Variants in MOCOS observed in about 807,000 individuals in gnomAD.
The protein encoded by MOCOS is molybdenum cofactor sulfurase, also known as human molybdenum cofactor sulfurase.
MOCOS carries 86 observed loss-of-function variants against 83.6 expected under a neutral mutation model. The ratio of observed to expected loss-of-function variants is 1.03; its 90% CI spans 0.86 to 1.23. MOCOS has a LOEUF of 1.23. Among genes scored for constraint, MOCOS ranks in the 50% most tolerant of loss-of-function variants. The pLI, the probability that MOCOS is intolerant of heterozygous loss-of-function variation, is 0.00. For missense variants in MOCOS, 1,120 were observed against 1,126.9 expected, an observed-to-expected ratio of 0.99 and a Z score of 0.09; for synonymous variants, 445 against 434.7, an observed-to-expected ratio of 1.02 and a Z score of -0.29.
chr18:36,268,683 T>TA lies in MOCOS; in HGVS notation c.*6dup, dbSNP rs755830405. The change falls in exon 15 of 15, where the codon TAA becomes TAAA. Residue 889 remains the stop codon, a frameshift_variant and stop_retained_variant. Coordinates refer to ENST00000261326, the MANE Select transcript of MOCOS (RefSeq NM_017947.4). LOFTEE classifies it high-confidence loss of function. ...TGAGAAACACCAGGATGTTACCTCC[T>TA]AAAAAAAATTTTTAGCATAAAGTTT... ...ASEKHQDVTS[*] is the part of the protein sequence containing the mutation. The TA allele has an allele frequency of 6.4e-7, 1 of 1,553,394 alleles. No individual in the cohort carries two copies. The highest frequency in any genetic ancestry group is 8.6e-7 in the Non-Finnish European group (1 of 1,156,572).
At chr18:36,268,424 T>C in intron 14 of MOCOS, 109 bp from the exon 15 acceptor site, 2 of 1,366,204 alleles carry the variant, frequency 1.5e-6, no homozygotes, top group Non-Finnish European at 2.1e-6. Context: ...TCTCAGTATA[T>C]GTCTTTAAAA....
intron 6 of MOCOS, among the ~76,000 whole-genome samples, chr18:36,211,534 C>T (rs987557031): frequency 4.6e-5 from 7 of 152,056 alleles, no homozygotes; most frequent in Admixed American, 1.3e-4. Context: ...CAAAGGCTCC[C>T]GGGCTGGGAG....
chr18:36,188,798 TA>T (rs775289145), intron 1 of MOCOS, among the ~76,000 whole-genome samples: 34 of 152,066 alleles, frequency 2.2e-4, no homozygotes, highest in Non-Finnish European at 4.3e-4. Flanking sequence ...TCTGGCTTCC[TA>T]AGTAGGGAGA....
At chr18:36,231,392 G>C (rs980244215) in intron 9 of MOCOS, among the ~76,000 whole-genome samples, 28 of 152,012 alleles carry the variant, frequency 1.8e-4, no homozygotes, top group Non-Finnish European at 7.4e-5. Context: ...AATTATTCTT[G>C]TTCAAGTTCA....
At chr18:36,256,885 TA>T in intron 11 of MOCOS, 82 bp from the exon 12 acceptor site, 2 of 1,238,234 alleles carry the variant, frequency 1.6e-6, no homozygotes, top group East Asian at 2.3e-5. Context: ...CTCTACCTTT[TA>T]AAAAAATACA....
rs201313376 is a variant in MOCOS, at chr18:36,213,380, C to A, written c.1233C>A (p.Ala411=). ...IIGYSQVDKM[A]SLYNIHLRTG... ...TAAATCCGCAGGTGGACAAAATGGC[C>A]AGTCTTTACAACATCCACCTGCGAA... Residue 411 remains alanine, a synonymous_variant, in exon 7 of 15, where the codon GCC becomes GCA. Coordinates refer to ENST00000261326, the MANE Select transcript of MOCOS (RefSeq NM_017947.4). 1.9e-5 allele frequency: 31 copies of A among 1,614,054 alleles called. No homozygotes were observed. The East Asian group carries it at 6.9e-4, about 36-fold the overall frequency.
rs2091408152 is a variant in MOCOS at position 36,200,282 on chromosome 18, C to T, written c.899C>T (p.Ala300Val). 10 of 1,613,990 alleles carry T rather than the reference C, an allele frequency of 6.2e-6. No homozygotes were observed. The highest frequency in any genetic ancestry group is 8.5e-6 in the Non-Finnish European group (10 of 1,179,998). ...FGGGTASAYLAGEDFYIPRQS... is the reference protein window; with the variant it reads ...FGGGTASAYLVGEDFYIPRQS... ...GGAGGGACAGCCTCTGCGTACCTAG[C>T]AGGAGAAGACTTCTACATCCCGAGG... The change falls in exon 4 of 15, where the codon GCA becomes GTA. Residue 300 changes from alanine to valine, a missense_variant. Transcript: ENST00000261326.
chr18:36,195,442 G>T, intron 2 of MOCOS, 96 bp downstream of exon 2: 1 of 1,186,292 alleles, frequency 8.4e-7, no homozygotes, highest in Non-Finnish European at 1.2e-6. Flanking sequence ...GGAATATTCT[G>T]ACCACAAAAA....
intron 9 of MOCOS, among the ~76,000 whole-genome samples, chr18:36,226,002 T>C (rs1181019267): frequency 6.6e-6 from 1 of 152,080 alleles, no homozygotes; most frequent in Non-Finnish European, 1.5e-5. Context: ...GTGTGTGCCT[T>C]AGAAGAATGT....
chr18:36,265,766 C>G (rs2091679779), intron 13 of MOCOS, among the ~76,000 whole-genome samples: 1 of 151,362 alleles, frequency 6.6e-6, no homozygotes, highest in Non-Finnish European at 1.5e-5. Context: ...TATATGCATA[C>G]AGATATGTAT....
At chr18:36,208,496 A>G (rs1054778183) in intron 6 of MOCOS, among the ~76,000 whole-genome samples, 2 of 151,932 alleles carry the variant, frequency 1.3e-5, no homozygotes, top group Non-Finnish European at 2.9e-5. Flanking sequence ...TGTAATTCTC[A>G]TTGTAGATAT....
In MOCOS at chr18:36,199,968, G is replaced by A. The variant is rs3744902; in HGVS notation, c.585G>A (p.Pro195=). The change falls in exon 4 of 15, where the codon CCG becomes CCA. Residue 195 remains proline, a synonymous_variant. Transcript: ENST00000261326. ...CCAGCAACCCAGACTGCCAGCTGCC[G>A]CATCTCTTCTGCTACCCAGCTCAGA... is the stretch of plus-strand genomic sequence containing the variant. ...ASASNPDCQL[P]HLFCYPAQSN... 31 of 1,614,222 alleles carry A rather than the reference G, an allele frequency of 1.9e-5. No individual in the cohort carries two copies. In the East Asian group the frequency reaches 3.3e-4, roughly 17 times the overall value.
At chr18:36,246,310 G>A (rs562035056) in intron 9 of MOCOS, among the ~76,000 whole-genome samples, 1 of 152,302 alleles carries the variant, frequency 6.6e-6, no homozygotes, top group Non-Finnish European at 1.5e-5. Flanking sequence ...TTTTGTCCCA[G>A]GGGTGCTCCC....
At chr18:36,256,047 T>G (rs2091640262) in intron 11 of MOCOS, among the ~76,000 whole-genome samples, 1 of 151,604 alleles carries the variant, frequency 6.6e-6, no homozygotes, top group South Asian at 2.1e-4. Context: ...CAAGTGGCAC[T>G]GCGCCCAGCT....
chr18:36,196,837 A>G (rs16967526), intron 2 of MOCOS, among the ~76,000 whole-genome samples: 22,326 of 151,782 alleles, frequency 0.15, 1,864 homozygotes, highest in East Asian at 0.32. Flanking sequence ...AACAGAACAT[A>G]TGGTAGCTGC....
intron 1 of MOCOS, among the ~76,000 whole-genome samples, chr18:36,192,834 A>G (rs577367393): frequency 6.6e-6 from 1 of 152,026 alleles, no homozygotes; most frequent in Non-Finnish European, 1.5e-5. Flanking sequence ...TTTGTAGTAG[A>G]GATGGGGTTT....
rs73430934 is a variant in MOCOS at position 36,194,367 on chromosome 18, T to C, written c.143-890T>C. Among the ~76,000 whole-genome samples, 680 of 152,352 alleles carry C rather than the reference T, an allele frequency of 4.5e-3. 8 individuals are homozygous for C. Among genetic ancestry groups the C allele is most frequent in the African/African-American group, 0.015 (644 of 41,586 alleles). ...AATGAATGGATCTCTTCACATTATATGTACTTGAAAGTGTATCTCAGAGTT... is the reference window on the plus strand; with the variant it reads ...AATGAATGGATCTCTTCACATTATACGTACTTGAAAGTGTATCTCAGAGTT... On this transcript the variant is annotated intron_variant, in intron 1 of 14. Transcript: ENST00000261326.
intron 9 of MOCOS, among the ~76,000 whole-genome samples, chr18:36,236,643 A>C (rs1339290281): frequency 7.4e-6 from 1 of 135,842 alleles, no homozygotes; most frequent in Admixed American, 7.6e-5. Context: ...ATGAACTTTA[A>C]AGTAGTTTTT....
intron 9 of MOCOS, among the ~76,000 whole-genome samples, chr18:36,241,794 T>C (rs1246073868): frequency 1.3e-5 from 2 of 151,674 alleles, no homozygotes; most frequent in Non-Finnish European, 3.0e-5. Context: ...TTCTTGACTT[T>C]TGTGTACCCA....
Sources: gnomAD v4.1 joint callset for allele counts (sites outside exome capture counted in the v4.1 genomes callset) on GRCh38, gnomAD v4.1.1 for gene constraint, MANE v1.5 for transcripts, NCBI Gene and HGNC (gene_info 2026-07-23, HGNC 2026-07-21) for gene names.